ARHGAP15: variants seen among roughly 807,000 people sequenced by gnomAD.
ARHGAP15 encodes the protein Rho GTPase activating protein 15.
ARHGAP15 carries 51 observed loss-of-function variants against 63.7 expected under a neutral mutation model. The observed-to-expected ratio is 0.80, with a 90% CI of 0.64 to 1.01. The LOEUF is 1.01. Among genes scored for constraint, ARHGAP15 ranks in the 50% least tolerant of loss-of-function variants. ARHGAP15 has a pLI of 0.00. For synonymous variants in ARHGAP15, 191 were observed against 193.8 expected (o/e 0.99, Z 0.12); for missense variants, 560 against 564.6 (o/e 0.99, Z 0.08).
chr2:143,504,906 T>A (rs1190254279), intron 9 of ARHGAP15, among the ~76,000 whole-genome samples: 2 of 152,138 alleles, frequency 1.3e-5, no homozygotes, highest in African/African-American at 4.8e-5. Flanking sequence ...CCACTGAATT[T>A]CTAGTCCACT....
At chr2:143,507,166 C>T (rs1693360213) in intron 9 of ARHGAP15, among the ~76,000 whole-genome samples, 1 of 152,170 alleles carries the variant, frequency 6.6e-6, no homozygotes, top group Non-Finnish European at 1.5e-5. Flanking sequence ...ACTCTTCCAA[C>T]TCAGTTACCA....
In ARHGAP15 at chr2:143,519,255, T is replaced by C; in HGVS notation, c.827-11T>C. ...GGATTTTAATGAAGCTCATCTTTGTTTCTTTTGCAGATCAAATTTTTGGCT... is the reference window on the plus strand; with the variant it reads ...GGATTTTAATGAAGCTCATCTTTGTCTCTTTTGCAGATCAAATTTTTGGCT... On this transcript the variant is annotated splice_polypyrimidine_tract_variant and intron_variant, in intron 9 of 13. Coordinates refer to ENST00000295095, the MANE Select transcript of ARHGAP15 (RefSeq NM_018460.4). The C allele has an allele frequency of 4.4e-6, 7 of 1,600,652 alleles. No individual in the cohort carries two copies. Among genetic ancestry groups the C allele is most frequent in the Non-Finnish European group, 6.0e-6 (7 of 1,168,298 alleles).
intron 12 of ARHGAP15, among the ~76,000 whole-genome samples, chr2:143,654,783 T>C (rs1452101868): frequency 6.6e-6 from 1 of 152,218 alleles, no homozygotes; most frequent in East Asian, 1.9e-4. Context: ...TATTATCCAG[T>C]AATGTTCTCT....
chr2:143,767,930 G>A, intron 13 of ARHGAP15, 59 bp from the exon 14 acceptor site: 1 of 1,516,210 alleles, frequency 6.6e-7, no homozygotes, highest in Non-Finnish European at 9.0e-7. Context: ...TCACTCCAAA[G>A]TAGCCATAAC....
At chr2:143,256,603 A>T (rs1013302770) in intron 6 of ARHGAP15, among the ~76,000 whole-genome samples, 1 of 152,102 alleles carries the variant, frequency 6.6e-6, no homozygotes, top group African/African-American at 2.4e-5. Flanking sequence ...CCCCAAGTGA[A>T]AGAGGGACAA....
intron 2 of ARHGAP15, among the ~76,000 whole-genome samples, chr2:143,187,289 G>A (rs1691490201): frequency 6.6e-6 from 1 of 152,184 alleles, no homozygotes. Context: ...AGAAGGGCTA[G>A]AGTCCCCACA....
intron 2 of ARHGAP15, among the ~76,000 whole-genome samples, chr2:143,175,729 G>A (rs551446629): frequency 6.2e-4 from 94 of 152,130 alleles, no homozygotes; most frequent in African/African-American, 2.2e-3. Context: ...CTTAGAAATG[G>A]GTGCAATATT....
In ARHGAP15 at chr2:143,654,622, C is replaced by A. The variant is rs544582258; in HGVS notation, c.1138+30355C>A. On this transcript the variant is annotated intron_variant, in intron 12 of 13. Transcript: ENST00000295095. ...TCATTCTGAGAATAGATACAAGCAT[C>A]CTCATTTATCCAATTAATAAATTGA... Among the ~76,000 whole-genome samples the A allele has an allele frequency of 4.6e-5, 7 of 152,224 alleles. No homozygotes were observed. The East Asian group carries it at 1.4e-3, about 29-fold the overall frequency.
At chr2:143,331,450 G>A (rs1041371354) in intron 6 of ARHGAP15, among the ~76,000 whole-genome samples, 1 of 152,070 alleles carries the variant, frequency 6.6e-6, no homozygotes, top group African/African-American at 2.4e-5. Flanking sequence ...TTTCAGAGCA[G>A]GAACAGTGTC....
chr2:143,446,502 C>CT (rs1296320656), intron 8 of ARHGAP15, among the ~76,000 whole-genome samples: 4 of 151,906 alleles, frequency 2.6e-5, no homozygotes, highest in Non-Finnish European at 5.9e-5. Flanking sequence ...ATCCTTTTAC[C>CT]TTTTGTTTTC....
chr2:143,335,191 G>A (rs1684718106), intron 6 of ARHGAP15, among the ~76,000 whole-genome samples: 1 of 152,112 alleles, frequency 6.6e-6, no homozygotes. Context: ...AGTGAGTCCT[G>A]GAACATACTT....
chr2:143,445,158 T>TTA (rs1690076300), intron 8 of ARHGAP15, among the ~76,000 whole-genome samples: 1 of 122,530 alleles, frequency 8.2e-6, no homozygotes, highest in South Asian at 2.9e-4. Context: ...CAATTATTTT[T>TTA]TTTTTTTTTT....
chr2:143,219,572 A>G (rs938414341), intron 4 of ARHGAP15, among the ~76,000 whole-genome samples: 2 of 152,210 alleles, frequency 1.3e-5, no homozygotes, highest in Non-Finnish European at 1.5e-5. Flanking sequence ...TCAGGGGAAT[A>G]TTTCCAGGAG....
intron 6 of ARHGAP15, among the ~76,000 whole-genome samples, chr2:143,412,849 A>G (rs942527895): frequency 6.6e-6 from 1 of 151,796 alleles, no homozygotes; most frequent in African/African-American, 2.4e-5. Flanking sequence ...ACAATTTTCC[A>G]TTCTTTTGTT....
intron 6 of ARHGAP15, among the ~76,000 whole-genome samples, chr2:143,321,198 T>C (rs1418128223): frequency 6.6e-6 from 1 of 152,098 alleles, no homozygotes; most frequent in East Asian, 1.9e-4. Flanking sequence ...CTCAGAGAAC[T>C]AGAACAAGCA....
intron 12 of ARHGAP15, among the ~76,000 whole-genome samples, chr2:143,653,368 G>A (rs1319934323): frequency 1.3e-5 from 2 of 151,856 alleles, no homozygotes; most frequent in Non-Finnish European, 1.5e-5. Flanking sequence ...GGACAATGCT[G>A]GCCCTAATTG....
intron 12 of ARHGAP15, chr2:143,648,634 T>C (rs1358905495): frequency 8.6e-5 from 13 of 151,960 alleles, no homozygotes; most frequent in Admixed American, 8.5e-4. Context: ...TCAATTTACC[T>C]GAAAATAAGT....
chr2:143,478,788 T>A (rs947554302), intron 8 of ARHGAP15, among the ~76,000 whole-genome samples: 1 of 152,216 alleles, frequency 6.6e-6, no homozygotes, highest in Non-Finnish European at 1.5e-5. Flanking sequence ...GTATAACTTA[T>A]AATCTAAGAA....
chr2:143,543,834 G>C (rs895587194), intron 10 of ARHGAP15, among the ~76,000 whole-genome samples: 3 of 152,146 alleles, frequency 2.0e-5, no homozygotes, highest in African/African-American at 7.2e-5. Context: ...AGTCAACAAA[G>C]TGTTTTGAGT....
Sources: gnomAD v4.1 joint callset for allele counts (sites outside exome capture counted in the v4.1 genomes callset) on GRCh38, gnomAD v4.1.1 for gene constraint, MANE v1.5 for transcripts, NCBI Gene and HGNC (gene_info 2026-07-23, HGNC 2026-07-21) for gene names.